FREM3: variants seen among roughly 807,000 people sequenced by gnomAD.
FREM3 encodes FRAS1-related extracellular matrix protein 3.
A neutral mutation model predicts 129.1 loss-of-function variants in FREM3; 105 were observed. The observed-to-expected ratio is 0.81, with a 90% CI of 0.69 to 0.96. The LOEUF (loss-of-function observed/expected upper bound fraction) is 0.96, where lower values mean the gene tolerates loss of function less well. Among genes scored for constraint, FREM3 ranks in the 40% least tolerant of loss-of-function variants. The pLI is 0.00. For missense variants in FREM3, 2,593 were observed against 2,666.3 expected, an observed-to-expected ratio of 0.97 and a Z score of 0.61; for synonymous variants, 1,014 against 1,044.9, an observed-to-expected ratio of 0.97 and a Z score of 0.57.
chr4:143,594,316 C>T (rs186529109), intron 6 of FREM3, among the ~76,000 whole-genome samples: 311 of 152,288 alleles, frequency 2.0e-3, no homozygotes, highest in Non-Finnish European at 9.3e-4. Flanking sequence ...TCTTCTGTGT[C>T]GCTCACGCTG....
At chr4:143,658,554 C>A (rs180880219) in intron 2 of FREM3, among the ~76,000 whole-genome samples, 238 of 152,336 alleles carry the variant, frequency 1.6e-3, no homozygotes, top group Non-Finnish European at 2.9e-3. Context: ...CTTGTCTAAA[C>A]CTTTCCTGTT....
At chr4:143,602,780 T>C (rs1738595551) in intron 6 of FREM3, among the ~76,000 whole-genome samples, 1 of 152,160 alleles carries the variant, frequency 6.6e-6, no homozygotes, top group Non-Finnish European at 1.5e-5. Context: ...TGTCCTGTAT[T>C]TAAAGGAAAA....
chr4:143,632,518 G>A (rs1205151371), intron 2 of FREM3, among the ~76,000 whole-genome samples: 1 of 152,018 alleles, frequency 6.6e-6, no homozygotes, highest in African/African-American at 2.4e-5. Context: ...CATTCCCTTC[G>A]GGTGCCCTTT....
chr4:143,626,999 A>T (rs869166), intron 3 of FREM3, among the ~76,000 whole-genome samples: 10 of 151,954 alleles, frequency 6.6e-5, no homozygotes, highest in African/African-American at 2.4e-4. Flanking sequence ...TTATGAAAAT[A>T]CAATGCCTTA....
chr4:143,676,833 A>G (rs1301213510), intron 2 of FREM3, among the ~76,000 whole-genome samples: 1 of 151,924 alleles, frequency 6.6e-6, no homozygotes, highest in Non-Finnish European at 1.5e-5. Flanking sequence ...TCCAACTTAC[A>G]AGGGACGTGA....
chr4:143,593,899 A>AGC lies in FREM3; in HGVS notation c.6029-7908_6029-7907dup, dbSNP rs970157170. Among the ~76,000 whole-genome samples the AGC allele has an allele frequency of 4.2e-4, 64 of 152,246 alleles. No homozygotes were observed. In the Middle Eastern group the frequency reaches 0.014, roughly 32 times the overall value. The stretch of plus-strand genomic sequence containing the variant: ...GGGCTCTACCCAGTTTGAGCTTTCC[A>AGC]GCCGCTTTGGCTCAAGCCTCGGCAA... On this transcript the variant is annotated intron_variant, in intron 6 of 7. Coordinates refer to ENST00000329798, the MANE Select transcript of FREM3 (RefSeq NM_001168235.2).
At chr4:143,674,294 C>T (rs1324388585) in intron 2 of FREM3, among the ~76,000 whole-genome samples, 1 of 152,094 alleles carries the variant, frequency 6.6e-6, no homozygotes, top group Non-Finnish European at 1.5e-5. Context: ...CCAAACTAAG[C>T]TTCATAAGTG....
intron 6 of FREM3, among the ~76,000 whole-genome samples, chr4:143,596,958 A>G (rs1018760276): frequency 6.6e-5 from 10 of 152,052 alleles, no homozygotes; most frequent in Non-Finnish European, 1.2e-4. Context: ...AAATCAAGCT[A>G]GGGCTGGAGA....
intron 2 of FREM3, among the ~76,000 whole-genome samples, chr4:143,640,628 C>A (rs1739307123): frequency 6.6e-6 from 1 of 152,156 alleles, no homozygotes; most frequent in South Asian, 2.1e-4. Flanking sequence ...TGAGATCGTG[C>A]CATTGCACTC....
intron 6 of FREM3, among the ~76,000 whole-genome samples, chr4:143,607,759 G>A (rs1461545682): frequency 6.6e-6 from 1 of 152,090 alleles, no homozygotes; most frequent in African/African-American, 2.4e-5. Flanking sequence ...AATACTGATG[G>A]TATTAGTTTC....
chr4:143,604,250 G>T (rs1738626718), intron 6 of FREM3, among the ~76,000 whole-genome samples: 1 of 152,040 alleles, frequency 6.6e-6, no homozygotes, highest in Admixed American at 6.6e-5. Flanking sequence ...TTCCTATACA[G>T]CCCACAGAAC....
Position 143,697,869 on chromosome 4 carries a change from G to A in FREM3, c.2807C>T (p.Pro936Leu). ...CCTAGGACTTCTGTTAGCCACATTGGGATGCACAGAAATTGGGATGGTGAT... is the reference window on the plus strand; with the variant it reads ...CCTAGGACTTCTGTTAGCCACATTGAGATGCACAGAAATTGGGATGGTGAT... ...IPITIPISVHPNVANRSPRIS... is the reference protein window; with the variant it reads ...IPITIPISVHLNVANRSPRIS... Residue 936 changes from proline to leucine, a missense_variant, in exon 1 of 8, where the codon CCC (proline) becomes CTC (leucine). Around this residue, in one of 2 missense-constraint regions of FREM3, gnomAD observed 2,276 missense variants for 2,267.2 expected, o/e 1.00. Coordinates refer to ENST00000329798, the MANE Select transcript of FREM3 (RefSeq NM_001168235.2). The A allele has an allele frequency of 6.5e-7, 1 of 1,537,780 alleles. No individual in the cohort carries two copies.
chr4:143,628,143 CT>C (rs902613795), intron 2 of FREM3, among the ~76,000 whole-genome samples: 11 of 152,246 alleles, frequency 7.2e-5, no homozygotes, highest in Admixed American at 4.6e-4. Context: ...TCTGCCCTTA[CT>C]TACTCCTTTA....
intron 6 of FREM3, among the ~76,000 whole-genome samples, chr4:143,596,755 C>T (rs560841179): frequency 2.5e-4 from 37 of 147,306 alleles, no homozygotes; most frequent in African/African-American, 8.3e-4. Context: ...GAAAACATAG[C>T]GAGATCCCAT....
chr4:143,667,385 G>A (rs954655065), intron 2 of FREM3, among the ~76,000 whole-genome samples: 7 of 152,076 alleles, frequency 4.6e-5, no homozygotes, highest in African/African-American at 1.7e-4. Flanking sequence ...ATGCTGGGCA[G>A]TGTTTATTAA....
chr4:143,622,649 C>T (rs542100172), intron 4 of FREM3, among the ~76,000 whole-genome samples: 10 of 151,978 alleles, frequency 6.6e-5, no homozygotes, highest in South Asian at 6.2e-4. Flanking sequence ...TGACACCTTT[C>T]GATTCAAAAC....
chr4:143,643,334 C>CTA (rs1287823425), intron 2 of FREM3, among the ~76,000 whole-genome samples: 3 of 152,030 alleles, frequency 2.0e-5, no homozygotes, highest in Non-Finnish European at 4.4e-5. Context: ...TATTGCAACA[C>CTA]TATTTACAAT....
chr4:143,648,667 T>C (rs903470844), intron 2 of FREM3, among the ~76,000 whole-genome samples: 1 of 152,234 alleles, frequency 6.6e-6, no homozygotes, highest in Non-Finnish European at 1.5e-5. Flanking sequence ...CATTCTGCTG[T>C]GATTTGTTTT....
intron 6 of FREM3, among the ~76,000 whole-genome samples, chr4:143,587,202 G>C (rs1423038320): frequency 6.6e-6 from 1 of 152,090 alleles, no homozygotes; most frequent in Non-Finnish European, 1.5e-5. Flanking sequence ...TGTTCTCTGA[G>C]CTGGAATGTG....
Sources: allele counts gnomAD v4.1 joint callset (sites outside exome capture counted in the v4.1 genomes callset), GRCh38; gene constraint gnomAD v4.1.1; regional missense constraint gnomAD v4.1.1; transcripts MANE v1.5; gene names NCBI Gene and HGNC (gene_info 2026-07-23, HGNC 2026-07-21).